Variants in LLGL2 observed in about 807,000 individuals in gnomAD.
The protein encoded by LLGL2 is LLGL scribble cell polarity complex component 2, also known as LLGL2, scribble cell polarity complex component.
A neutral mutation model predicts 123.2 loss-of-function variants in LLGL2; 81 were observed. The observed-to-expected ratio is 0.66, with a 90% CI of 0.55 to 0.79. The LOEUF (loss-of-function observed/expected upper bound fraction) is 0.79. LLGL2 is among the 30% of genes least tolerant of loss of function. The probability of loss-of-function intolerance (pLI) is 0.00; values close to 1 mark genes in which losing one functional copy is unlikely to be tolerated. For synonymous variants in LLGL2, 577 were observed against 594.1 expected (o/e 0.97, Z 0.42); for missense variants, 1,273 against 1,414.6 (o/e 0.90, Z 1.61).
At chr17:75,541,520 C>T (rs1354822268) in intron 1 of LLGL2, among the ~76,000 whole-genome samples, 2 of 152,154 alleles carry the variant, frequency 1.3e-5, no homozygotes, top group Non-Finnish European at 2.9e-5. Context: ...TTCCCGGCCA[C>T]CTGCTCTTCC....
In LLGL2 at chr17:75,548,705, A is replaced by G. The variant is rs1440101256; in HGVS notation, c.75+5204A>G. ...TGGGAGGCGGAGGTTGCAGTGAGCCAAGATCGCGCCATTGCACTCCAGCCT... is the reference window on the plus strand; with the variant it reads ...TGGGAGGCGGAGGTTGCAGTGAGCCGAGATCGCGCCATTGCACTCCAGCCT... On this transcript the variant is annotated intron_variant, in intron 2 of 25. Coordinates refer to ENST00000392550, the MANE Select transcript of LLGL2 (RefSeq NM_001031803.2). 4.0e-5 allele frequency among the ~76,000 whole-genome samples: 6 copies of G among 150,986 alleles called. No individual in the cohort carries two copies. In the East Asian group the frequency reaches 1.0e-3, roughly 25 times the overall value.
intron 6 of LLGL2, chr17:75,562,576 C>CT (rs929606413): frequency 2.7e-4 from 52 of 193,492 alleles, no homozygotes; most frequent in East Asian, 7.2e-4. Context: ...ATCTTTCTTT[C>CT]TTTTTTTTTG....
intron 1 of LLGL2, among the ~76,000 whole-genome samples, chr17:75,529,015 G>T (rs1011618629): frequency 1.3e-5 from 2 of 148,202 alleles, no homozygotes; most frequent in African/African-American, 5.0e-5. Context: ...AATTAGCCAG[G>T]CGTGGTGGTG....
chr17:75,571,771 C>T lies in LLGL2; in HGVS notation c.2281C>T (p.Arg761Trp), dbSNP rs140499680. The T allele has an allele frequency of 3.5e-5, 57 of 1,607,136 alleles. No homozygotes were observed. The highest frequency in any genetic ancestry group is 2.7e-4 in the African/African-American group (20 of 75,030). The change falls in exon 18 of 26, where the codon CGG becomes TGG. Residue 761 changes from arginine (R) to tryptophan (W), a missense_variant. Transcript: ENST00000392550. ...PAERRMDEPVRAEQAKEIQLM... is the reference protein window; with the variant it reads ...PAERRMDEPVWAEQAKEIQLM... ...CGAGCGGAGAATGGATGAGCCTGTG[C>T]GGGCAGAGCAGGGTGAGTGCTGGGC...
chr17:75,555,349 C>T (rs1045068063), intron 2 of LLGL2, among the ~76,000 whole-genome samples: 3 of 150,398 alleles, frequency 2.0e-5, no homozygotes, highest in Non-Finnish European at 4.4e-5. Flanking sequence ...CTCTGCCTGC[C>T]GGGTTCGCAC....
chr17:75,571,810 G>A (rs765252496), intron 18 of LLGL2, 27 bp downstream of exon 18: 1 of 1,603,398 alleles, frequency 6.2e-7, no homozygotes, highest in Non-Finnish European at 8.5e-7. Flanking sequence ...GAGAGCAGAG[G>A]GTGCTCGGGC....
chr17:75,545,301 T>A (rs1297620607), intron 2 of LLGL2, among the ~76,000 whole-genome samples: 3 of 152,128 alleles, frequency 2.0e-5, no homozygotes, highest in African/African-American at 7.2e-5. Context: ...CCTTCTTCTT[T>A]CCATTCATAT....
At chr17:75,574,174 G>T (rs933880077) in intron 22 of LLGL2, 39 bp from the exon 23 acceptor site, 1 of 1,519,734 alleles carries the variant, frequency 6.6e-7, no homozygotes, top group Admixed American at 2.1e-5. Context: ...GCCGAGGAGG[G>T]CCCAGGCGGG....
chr17:75,554,750 G>T (rs1323383543), intron 2 of LLGL2, among the ~76,000 whole-genome samples: 2 of 151,800 alleles, frequency 1.3e-5, no homozygotes, highest in Non-Finnish European at 2.9e-5. Context: ...TTAGCCGGGC[G>T]TGGTGGCGGG....
chr17:75,529,484 C>T (rs1454472658), intron 1 of LLGL2, among the ~76,000 whole-genome samples: 1 of 151,958 alleles, frequency 6.6e-6, no homozygotes, highest in Non-Finnish European at 1.5e-5. Flanking sequence ...GGATTACAGG[C>T]ATGAGCCACT....
intron 1 of LLGL2, among the ~76,000 whole-genome samples, chr17:75,527,598 C>G (rs568048240): frequency 1.3e-5 from 2 of 149,322 alleles, no homozygotes; most frequent in African/African-American, 5.0e-5. Flanking sequence ...TTTTTTTAAA[C>G]TAAGTTGACC....
rs936061 is a variant in LLGL2, at chr17:75,558,282, T to C, written c.255+46T>C. 8,944 of 1,541,334 alleles carry C rather than the reference T, an allele frequency of 5.8e-3. 367 individuals carry two copies. In the African/African-American group the frequency reaches 0.097, roughly 17 times the overall value. On this transcript the variant is annotated intron_variant, in intron 4 of 25. Transcript: ENST00000392550. The surrounding 1 kb of genome is among the most constrained non-coding windows in gnomAD (Gnocchi z 4.0). ...CAGGAAGCCACTTCCATGCCCTCCT[T>C]GCCTTCACTGCTTCCAGCAGGGCTG...
At chr17:75,546,036 G>A (rs961238545) in intron 2 of LLGL2, 1 of 152,174 alleles carries the variant, frequency 6.6e-6, no homozygotes, top group Admixed American at 6.5e-5. Flanking sequence ...TTTCCTGAGG[G>A]GTAAAATCGC....
chr17:75,557,150 G>A (rs979257525), intron 3 of LLGL2, among the ~76,000 whole-genome samples: 1 of 151,564 alleles, frequency 6.6e-6, no homozygotes, highest in East Asian at 1.9e-4. Flanking sequence ...AAATGCTAGG[G>A]TTACAGGCAT....
rs771004471 is a variant in LLGL2, at chr17:75,563,079, T to C, written c.594T>C (p.Pro198=). ...TGGTGGAGGCACTGCAGGAGCACCC[T>C]CGAGACCCCAACCAGATCCTGATCG... ...FEMVEALQEH[P]RDPNQILIGY... The change falls in exon 7 of 26, where the codon CCT becomes CCC. Residue 198 remains proline, a synonymous_variant. Coordinates refer to ENST00000392550, the MANE Select transcript of LLGL2 (RefSeq NM_001031803.2). 1.2e-6 allele frequency: 2 copies of C among 1,613,196 alleles called. No individual in the cohort carries two copies. The highest frequency in any genetic ancestry group is 4.5e-5 in the East Asian group (2 of 44,886).
chr17:75,573,288 C>A lies in LLGL2; in HGVS notation c.2725+10C>A, dbSNP rs201555254. ...ACCAAATATGGCCAAGGTGTTTGAG[C>A]CGGGCTGGGTGGGTGTCGGGGCCCC... is the stretch of plus-strand genomic sequence containing the variant. On this transcript the variant is annotated intron_variant, in intron 20 of 25. Coordinates refer to ENST00000392550, the MANE Select transcript of LLGL2 (RefSeq NM_001031803.2). 70 of 1,588,900 alleles carry A rather than the reference C, an allele frequency of 4.4e-5. No homozygotes were observed. The highest frequency in any genetic ancestry group is 5.8e-5 in the Non-Finnish European group (68 of 1,163,444).
At chr17:75,553,966 A>G (rs7208892) in intron 2 of LLGL2, among the ~76,000 whole-genome samples, 132,459 of 152,036 alleles carry the variant, frequency 0.87, 58,787 homozygotes, top group Non-Finnish European at 0.98. Context: ...CCTCTGGTGA[A>G]TTAGGATATC....
rs2055914790 is a variant in LLGL2 at position 75,575,174 on chromosome 17, T to C, written c.*296T>C. The C allele has an allele frequency of 1.8e-6, 1 of 552,628 alleles. No homozygotes were observed. Among genetic ancestry groups the C allele is most frequent in the African/African-American group, 1.9e-5 (1 of 53,160 alleles). The allele number at this position is 552,628 out of a possible 1,614,324, so 34.2% of individuals were successfully genotyped here. On this transcript the variant is annotated 3_prime_UTR_variant, in exon 26 of 26. Transcript: ENST00000392550. Reference sequence around the variant, plus strand: ...GTTATAAATGTTAACTGCCTCTGGGTGAAAAAGTTTTTAATAAACACCTAT... The same window carrying C: ...GTTATAAATGTTAACTGCCTCTGGGCGAAAAAGTTTTTAATAAACACCTAT...
At chr17:75,570,536 C>T in intron 16 of LLGL2, 38 bp downstream of exon 16, 3 of 1,545,954 alleles carry the variant, frequency 1.9e-6, no homozygotes, top group Non-Finnish European at 2.6e-6. Flanking sequence ...GCCACGCACC[C>T]AGGTTCGGCT....
Sources: gnomAD v4.1 joint callset for allele counts (sites outside exome capture counted in the v4.1 genomes callset) on GRCh38, gnomAD v4.1.1 for gene constraint, Gnocchi (gnomAD v3.1) non-coding constraint, MANE v1.5 for transcripts, NCBI Gene and HGNC (gene_info 2026-07-23, HGNC 2026-07-21) for gene names.